Variants in ANKRD28 observed in about 807,000 individuals in gnomAD.
ANKRD28 encodes the protein serine/threonine-protein phosphatase 6 regulatory ankyrin repeat subunit A.
A neutral mutation model predicts 126.5 loss-of-function variants in ANKRD28; 44 were observed. The observed-to-expected ratio is 0.35, with a 90% CI of 0.27 to 0.45. The LOEUF is 0.45. Among genes scored for constraint, ANKRD28 ranks in the 20% least tolerant of loss-of-function variants. ANKRD28 has a pLI of 1.00. For missense variants in ANKRD28, 1,110 were observed against 1,316.6 expected (o/e 0.84, Z 2.43); for synonymous variants, 442 against 468.5 (o/e 0.94, Z 0.73).
intron 3 of ANKRD28, among the ~76,000 whole-genome samples, chr3:15,762,004 G>A (rs2125498718): frequency 6.6e-6 from 1 of 151,942 alleles, no homozygotes; most frequent in South Asian, 2.1e-4. Flanking sequence ...TGGCCAACAT[G>A]GTGAAACCCC....
At chr3:15,785,890 AC>A (rs926523817) in intron 2 of ANKRD28, among the ~76,000 whole-genome samples, 1 of 152,240 alleles carries the variant, frequency 6.6e-6, no homozygotes, top group South Asian at 2.1e-4. Flanking sequence ...CATTAAAAAA[AC>A]ATAGAAGAAA....
chr3:15,713,109 T>G (rs896010719), intron 10 of ANKRD28, among the ~76,000 whole-genome samples: 2 of 152,142 alleles, frequency 1.3e-5, no homozygotes, highest in South Asian at 4.1e-4. Context: ...GGGTAAGAAC[T>G]CCTTCGTAGG....
chr3:15,756,086 C>T (rs1015943262), intron 3 of ANKRD28, among the ~76,000 whole-genome samples: 6 of 152,150 alleles, frequency 3.9e-5, no homozygotes, highest in African/African-American at 1.4e-4. Flanking sequence ...CTTTTCTTGT[C>T]CCCCACAAAT....
intron 14 of ANKRD28, chr3:15,697,153 T>C (rs1232899442): frequency 6.6e-6 from 1 of 151,908 alleles, no homozygotes; most frequent in Non-Finnish European, 1.5e-5. Context: ...CAACCTGGAG[T>C]TGGAGATCAT....
At chr3:15,717,339 T>A (rs1023567067) in intron 8 of ANKRD28, among the ~76,000 whole-genome samples, 22 of 152,060 alleles carry the variant, frequency 1.4e-4, no homozygotes, top group Non-Finnish European at 1.6e-4. Flanking sequence ...TTCTACATAC[T>A]GATAATAAAA....
intron 1 of ANKRD28, among the ~76,000 whole-genome samples, chr3:15,820,929 C>A (rs1171627289): frequency 6.6e-6 from 1 of 152,106 alleles, no homozygotes; most frequent in African/African-American, 2.4e-5. Flanking sequence ...AACTTTACAG[C>A]AATACATATA....
At chr3:15,832,761 A>G (rs559088903) in intron 1 of ANKRD28, among the ~76,000 whole-genome samples, 2 of 152,190 alleles carry the variant, frequency 1.3e-5, no homozygotes, top group South Asian at 2.1e-4. Flanking sequence ...AATTCCATCC[A>G]TGTTTGCTGC....
chr3:15,762,718 T>C (rs2058554272), intron 3 of ANKRD28, among the ~76,000 whole-genome samples: 1 of 152,190 alleles, frequency 6.6e-6, no homozygotes, highest in Non-Finnish European at 1.5e-5. Context: ...GGAATTTATT[T>C]ACTTGGCAGA....
intron 1 of ANKRD28, among the ~76,000 whole-genome samples, chr3:15,848,023 G>A (rs1460183745): frequency 6.6e-6 from 1 of 152,174 alleles, no homozygotes; most frequent in South Asian, 2.1e-4. Flanking sequence ...CTTCTTGACA[G>A]TTCTCCAAAC....
chr3:15,717,695 T>C (rs1477047404), intron 8 of ANKRD28, among the ~76,000 whole-genome samples: 2 of 152,182 alleles, frequency 1.3e-5, no homozygotes, highest in African/African-American at 4.8e-5. Flanking sequence ...CTGACCAAAA[T>C]CTATTCTTAA....
At position 15,693,484 on chromosome 3, in the gene ANKRD28, C is replaced by T. The variant is rs183668399; in HGVS notation, c.1761+1255G>A. ...AACATCATTAAACTGATAACTAAGT[C>T]CTAAAGACTGCAGGGCTTTTGGGAG... On this transcript the variant is annotated intron_variant, in intron 17 of 27. Transcript: ENST00000683139. Among the ~76,000 whole-genome samples the T allele has an allele frequency of 4.1e-4, 63 of 152,198 alleles. No homozygotes were observed. The East Asian group carries it at 0.012, about 28-fold the overall frequency.
intron 10 of ANKRD28, among the ~76,000 whole-genome samples, chr3:15,713,087 A>G (rs183584923): frequency 6.3e-4 from 96 of 152,280 alleles, no homozygotes; most frequent in Non-Finnish European, 1.0e-3. Context: ...GTTCTGACCA[A>G]AATGGGGGTG....
rs34806568 is a variant in ANKRD28, at chr3:15,674,174, C to CAAAAAAAAAA, written c.2965+1714_2965+1723dup. On this transcript the variant is annotated intron_variant, in intron 27 of 27. Transcript: ENST00000683139. ...GCAACAGAGTGAGACCCTGCCTCTT[C>CAAAAAAAAAA]AAAAAAAAAAAAAAAAAAAAAAAAG... Among the ~76,000 whole-genome samples, 174 of 40,270 alleles carry CAAAAAAAAAA rather than the reference C, an allele frequency of 4.3e-3. 15 individuals carry two copies. Among genetic ancestry groups the CAAAAAAAAAA allele is most frequent in the Non-Finnish European group, 5.8e-3 (139 of 24,170 alleles). The allele number at this position is 40,270 out of a possible 152,430, so 26.4% of individuals were successfully genotyped here. A position where few individuals can be genotyped will look rare whatever the true frequency, so the allele number is the denominator to read the frequency against.
intron 3 of ANKRD28, among the ~76,000 whole-genome samples, chr3:15,755,789 C>T (rs909733818): frequency 6.6e-6 from 1 of 152,128 alleles, no homozygotes; most frequent in Non-Finnish European, 1.5e-5. Context: ...ATAAGGATGA[C>T]CTTAAGTAAC....
rs2060335779 is a variant in ANKRD28, at chr3:15,797,584, A to G, written c.-1063T>C. On this transcript the variant is annotated 5_prime_UTR_variant, in exon 1 of 28. An upstream start codon of the reference 5' UTR is lost. Coordinates refer to ENST00000683139, the MANE Select transcript of ANKRD28 (RefSeq NM_001349278.2). ...AAAAAAAAAAAGGGGGGGGAAAAAC[A>G]TAGTAGTGTATCATTCCAGTGTTTC... The G allele has an allele frequency of 1.0e-6, 1 of 985,158 alleles. No homozygotes were observed. Among genetic ancestry groups the G allele is most frequent in the African/African-American group, 1.7e-5 (1 of 57,258 alleles). The allele number at this position is 985,158 out of a possible 1,614,324, so 61.0% of individuals were successfully genotyped here. A position where few individuals can be genotyped will look rare whatever the true frequency, so the allele number is the denominator to read the frequency against.
chr3:15,765,947 T>A (rs969481565), intron 3 of ANKRD28, among the ~76,000 whole-genome samples: 2 of 151,930 alleles, frequency 1.3e-5, no homozygotes, highest in Admixed American at 6.6e-5. Context: ...AAAGCACTCA[T>A]CATCATTTAA....
At chr3:15,687,525 A>T (rs917190764) in intron 18 of ANKRD28, among the ~76,000 whole-genome samples, 1 of 152,188 alleles carries the variant, frequency 6.6e-6, no homozygotes, top group African/African-American at 2.4e-5. Flanking sequence ...AAAGAAATAC[A>T]TTAGAAAAAA....
chr3:15,722,496 A>G (rs551069073), intron 7 of ANKRD28, among the ~76,000 whole-genome samples: 48 of 152,286 alleles, frequency 3.2e-4, no homozygotes, highest in Non-Finnish European at 6.3e-4. Context: ...CCCTGTAATA[A>G]ACCACAACCA....
chr3:15,771,105 G>C (rs1479475356), intron 2 of ANKRD28, among the ~76,000 whole-genome samples: 1 of 152,094 alleles, frequency 6.6e-6, no homozygotes, highest in East Asian at 1.9e-4. Context: ...GGTTGTACAG[G>C]CTGTATAAGA....
Sources: allele counts gnomAD v4.1 joint callset (sites outside exome capture counted in the v4.1 genomes callset), GRCh38; gene constraint gnomAD v4.1.1; transcripts MANE v1.5; gene names NCBI Gene and HGNC (gene_info 2026-07-23, HGNC 2026-07-21).